The following ARFGEF3 variants were observed in gnomAD, a reference collection of about 807,000 sequenced individuals.
The protein encoded by ARFGEF3 is ARFGEF family member 3.
A neutral mutation model predicts 221.7 loss-of-function variants in ARFGEF3; 96 were observed. That is an observed-to-expected ratio of 0.43 (90% confidence interval 0.37 to 0.51). The LOEUF (loss-of-function observed/expected upper bound fraction) is 0.51. Among genes scored for constraint, ARFGEF3 ranks in the 20% least tolerant of loss-of-function variants. The pLI, the probability that ARFGEF3 is intolerant of heterozygous loss-of-function variation, is 0.00. For missense variants in ARFGEF3, 2,410 were observed against 2,789.9 expected (o/e 0.86, Z 3.07); for synonymous variants, 1,145 against 1,126.8 (o/e 1.02, Z -0.32).
chr6:138,270,615 T>C (rs1437480188), intron 12 of ARFGEF3, among the ~76,000 whole-genome samples: 2 of 152,214 alleles, frequency 1.3e-5, no homozygotes, highest in African/African-American at 4.8e-5. Context: ...TAGTACTTAC[T>C]TTATCTATTC....
At chr6:138,333,938 C>A in intron 32 of ARFGEF3, 32 bp from the exon 33 acceptor site, 1 of 1,573,072 alleles carries the variant, frequency 6.4e-7, no homozygotes, top group Non-Finnish European at 8.6e-7. Flanking sequence ...GGGCAGAAAA[C>A]CATTAATCGA....
intron 31 of ARFGEF3, among the ~76,000 whole-genome samples, chr6:138,327,636 C>T (rs1780150192): frequency 6.6e-6 from 1 of 152,116 alleles, no homozygotes; most frequent in Non-Finnish European, 1.5e-5. Flanking sequence ...GTCCCAACTC[C>T]TTTTTCATCC....
chr6:138,196,200 C>T (rs1359094786), intron 2 of ARFGEF3, among the ~76,000 whole-genome samples: 1 of 152,134 alleles, frequency 6.6e-6, no homozygotes, highest in Non-Finnish European at 1.5e-5. Context: ...TGTCCCTCAT[C>T]AGTAAATGCC....
intron 21 of ARFGEF3, among the ~76,000 whole-genome samples, chr6:138,298,314 A>C (rs756372498): frequency 2.0e-5 from 3 of 152,238 alleles, no homozygotes; most frequent in Non-Finnish European, 4.4e-5. Flanking sequence ...TACAGTGAGC[A>C]TGTTCTGTAC....
At chr6:138,174,736 A>T (rs1013069764) in intron 2 of ARFGEF3, among the ~76,000 whole-genome samples, 2 of 152,114 alleles carry the variant, frequency 1.3e-5, no homozygotes, top group African/African-American at 2.4e-5. Context: ...GGCTACAGGG[A>T]TCATTCATAA....
intron 16 of ARFGEF3, 60 bp from the exon 17 acceptor site, chr6:138,287,014 G>A (rs1215688756): frequency 1.0e-5 from 16 of 1,562,034 alleles, no homozygotes; most frequent in Non-Finnish European, 1.3e-5. Context: ...AAGGGGTTCT[G>A]CTAGGTGAAT....
intron 4 of ARFGEF3, among the ~76,000 whole-genome samples, chr6:138,213,724 C>A (rs1027871807): frequency 2.7e-4 from 41 of 151,820 alleles, no homozygotes; most frequent in African/African-American, 9.9e-4. Context: ...GGAAACATAC[C>A]ATTATTTTTA....
At chr6:138,168,934 C>G (rs1776772640) in intron 1 of ARFGEF3, among the ~76,000 whole-genome samples, 1 of 152,130 alleles carries the variant, frequency 6.6e-6, no homozygotes, top group South Asian at 2.1e-4. Flanking sequence ...GGTCCCTAGC[C>G]CAGGACCTGG....
At position 138,334,988 on chromosome 6, in the gene ARFGEF3, G is replaced by A; in HGVS notation, c.6142G>A (p.Glu2048Lys). The change falls in exon 33 of 34, where the codon GAG (glutamate) becomes AAG (lysine). Residue 2048 changes from glutamate (E) to lysine (K), a missense_variant. Glu to Lys is a moderately conservative substitution (Grantham distance 56). Coordinates refer to ENST00000251691, the MANE Select transcript of ARFGEF3 (RefSeq NM_020340.5). The surrounding 1 kb of genome is among the most constrained non-coding windows in gnomAD (Gnocchi z 5.1). ...LSAFPKEVKV[E>K]KKGEPLGPRG... is the part of the protein sequence containing the mutation. The stretch of plus-strand genomic sequence containing the variant: ...CGCGTTCCCCAAAGAGGTCAAAGTG[G>A]AGAAGAAAGGAGAGCCACTGGGTCC... 1 of 1,584,932 alleles carries A rather than the reference G, an allele frequency of 6.3e-7. No homozygotes were observed. Among genetic ancestry groups the A allele is most frequent in the Non-Finnish European group, 8.6e-7 (1 of 1,166,280 alleles).
In ARFGEF3 at chr6:138,337,676, A is replaced by AAGTT. The variant is rs1429303930; in HGVS notation, c.*1192_*1195dup. ...AAATATTTCTCCTATCTACCAAGTAAAGTTACCCTATGTTTGATGTCTTTG... is the reference window on the plus strand; with the variant it reads ...AAATATTTCTCCTATCTACCAAGTAAAGTTAGTTACCCTATGTTTGATGTCTTTG... On this transcript the variant is annotated 3_prime_UTR_variant, in exon 34 of 34. Coordinates refer to ENST00000251691, the MANE Select transcript of ARFGEF3 (RefSeq NM_020340.5). 1.3e-5 allele frequency: 2 copies of AAGTT among 152,178 alleles called. No individual in the cohort carries two copies. The highest frequency in any genetic ancestry group is 1.3e-4 in the Admixed American group (2 of 15,274). The allele number at this position is 152,178 out of a possible 1,614,324, so 9.4% of individuals were successfully genotyped here. A position where few individuals can be genotyped will look rare whatever the true frequency, so the allele number is the denominator to read the frequency against.
chr6:138,266,848 C>CAAAA (rs55638606), intron 12 of ARFGEF3, among the ~76,000 whole-genome samples: 4 of 77,410 alleles, frequency 5.2e-5, no homozygotes, highest in East Asian at 6.2e-4. Flanking sequence ...GACTCCATCT[C>CAAAA]AAAAAAAAAA....
chr6:138,322,016 G>A (rs939733519), intron 29 of ARFGEF3, among the ~76,000 whole-genome samples: 81 of 152,170 alleles, frequency 5.3e-4, no homozygotes, highest in African/African-American at 1.9e-3. Flanking sequence ...AGGGTACCCA[G>A]ACATTTGGCC....
intron 22 of ARFGEF3, among the ~76,000 whole-genome samples, chr6:138,301,599 G>C (rs1779629889): frequency 6.6e-6 from 1 of 152,150 alleles, no homozygotes; most frequent in East Asian, 1.9e-4. Context: ...TCTAACATAA[G>C]ATCCTGGATA....
chr6:138,227,157 C>G (rs970608317), intron 4 of ARFGEF3, among the ~76,000 whole-genome samples: 2 of 151,300 alleles, frequency 1.3e-5, no homozygotes, highest in African/African-American at 4.9e-5. Context: ...GGCTGGGGGC[C>G]TGGGTGCAGG....
intron 5 of ARFGEF3, among the ~76,000 whole-genome samples, chr6:138,238,287 G>T (rs912786435): frequency 1.3e-5 from 2 of 152,184 alleles, no homozygotes; most frequent in African/African-American, 4.8e-5. Flanking sequence ...GGAACAGGTT[G>T]TAAGAATGGT....
chr6:138,228,824 AGGCTAAGCTGCAGGCAG>A (rs1331566112), intron 4 of ARFGEF3, among the ~76,000 whole-genome samples: 10 of 152,222 alleles, frequency 6.6e-5, no homozygotes, highest in Non-Finnish European at 1.5e-4. Context: ...TGCCCCTGGC[AGGCTAAGCTGCAGGCAG>A]GGCATGGCTG....
Position 138,327,958 on chromosome 6 carries a change from A to T in ARFGEF3, c.5002-63A>T, listed in dbSNP as rs1196789910. On this transcript the variant is annotated intron_variant, in intron 31 of 33. Coordinates refer to ENST00000251691, the MANE Select transcript of ARFGEF3 (RefSeq NM_020340.5). ...CAACTTGCCCAGGGTCATCCAGCTG[A>T]TCCCTGACAGGTCAAGCAGAGGACA... The T allele has an allele frequency of 5.0e-6, 7 of 1,406,704 alleles. No individual in the cohort carries two copies. The Admixed American group carries it at 1.1e-4, about 23-fold the overall frequency. The allele number at this position is 1,406,704 out of a possible 1,614,324, so 87.1% of individuals were successfully genotyped here.
chr6:138,227,038 A>AT (rs1778097698), intron 4 of ARFGEF3, among the ~76,000 whole-genome samples: 1 of 149,050 alleles, frequency 6.7e-6, no homozygotes, highest in Non-Finnish European at 1.5e-5. Context: ...TTCAGGGTTG[A>AT]TTTTGTTTTT....
intron 10 of ARFGEF3, among the ~76,000 whole-genome samples, chr6:138,260,869 T>G (rs568036562): frequency 6.6e-6 from 1 of 152,238 alleles, no homozygotes; most frequent in South Asian, 2.1e-4. Context: ...AAGAGGGTAT[T>G]AAGGCATCTT....
Sources: allele counts gnomAD v4.1 joint callset (sites outside exome capture counted in the v4.1 genomes callset), GRCh38; gene constraint gnomAD v4.1.1; non-coding constraint Gnocchi (gnomAD v3.1); transcripts MANE v1.5; gene names NCBI Gene and HGNC (gene_info 2026-07-23, HGNC 2026-07-21).